Variants in PARP14 observed in about 807,000 individuals in gnomAD.
The protein encoded by PARP14 is protein mono-ADP-ribosyltransferase PARP14.
In PARP14, 59 loss-of-function variants were observed where a neutral mutation model predicts 154.2. That is an observed-to-expected ratio of 0.38 (90% confidence interval 0.31 to 0.48). The LOEUF (loss-of-function observed/expected upper bound fraction) is 0.48, where lower values mean the gene tolerates loss of function less well. Among genes scored for constraint, PARP14 ranks in the 20% least tolerant of loss-of-function variants. PARP14 has a pLI of 0.98. For synonymous variants in PARP14, 720 were observed against 780.5 expected, an observed-to-expected ratio of 0.92 and a Z score of 1.29; for missense variants, 1,734 against 2,131.6, an observed-to-expected ratio of 0.81 and a Z score of 3.67.
rs757401289 is a variant in PARP14, at chr3:122,713,583, C to G, written c.3769+10C>G. ...TTCAATCTCAAAGCAGGTACTTGTA[C>G]AATTTTGATGAGTGCAATAGTTAAT... On this transcript the variant is annotated intron_variant, in intron 10 of 16. Transcript: ENST00000474629. 1.2e-6 allele frequency: 2 copies of G among 1,611,740 alleles called. No homozygotes were observed. Among genetic ancestry groups the G allele is most frequent in the Admixed American group, 3.3e-5 (2 of 59,946 alleles).
At chr3:122,697,907 G>C (rs1004631636) in intron 5 of PARP14, among the ~76,000 whole-genome samples, 5 of 152,222 alleles carry the variant, frequency 3.3e-5, no homozygotes, top group African/African-American at 1.2e-4. Flanking sequence ...ACCTGAGTTT[G>C]ATTCCTGGCC....
At position 122,699,611 on chromosome 3, in the gene PARP14, T is replaced by C; in HGVS notation, c.1057T>C (p.Cys353Arg). The stretch of plus-strand genomic sequence containing the variant: ...AAACGATGAAATGAGGCGTTGTCAC[T>C]GTGAGCTCACGTGGTCCCAACTCAG... Reference protein sequence around the residue: ...EINDEMRRCHCELTWSQLSGK... With the variant: ...EINDEMRRCHRELTWSQLSGK... The change falls in exon 6 of 17, where the codon TGT (cysteine) becomes CGT (arginine). Residue 353 changes from cysteine (C) to arginine (R), a missense_variant. By Grantham distance (180) the Cys-to-Arg change is radical. Around this residue, in one of 2 missense-constraint regions of PARP14, gnomAD observed 1,646 missense variants for 1,976.0 expected, o/e 0.83. Transcript: ENST00000474629. 1 of 1,613,996 alleles carries C rather than the reference T, an allele frequency of 6.2e-7. No individual in the cohort carries two copies. Among genetic ancestry groups the C allele is most frequent in the East Asian group, 2.2e-5 (1 of 44,886 alleles).
chr3:122,695,868 G>GAT (rs1435776985), intron 5 of PARP14, among the ~76,000 whole-genome samples: 3 of 152,158 alleles, frequency 2.0e-5, no homozygotes, highest in Non-Finnish European at 4.4e-5. Flanking sequence ...GTTTTTGAAA[G>GAT]ATATAAGGAG....
chr3:122,700,720 C>A lies in PARP14; in HGVS notation c.2166C>A (p.Thr722=), dbSNP rs768589536. Reference sequence around the variant, plus strand: ...GCATTTTACTAACTGGCTCAAAGACCGAAGTACTGAAGGCAGTGGACATTG... The same window carrying A: ...GCATTTTACTAACTGGCTCAAAGACAGAAGTACTGAAGGCAGTGGACATTG... ...QKGILLTGSK[T]EVLKAVDIVK... The change falls in exon 6 of 17, where the codon ACC becomes ACA. Residue 722 remains threonine (T), a synonymous_variant. Coordinates refer to ENST00000474629, the MANE Select transcript of PARP14 (RefSeq NM_017554.3). 7 of 1,612,736 alleles carry A rather than the reference C, an allele frequency of 4.3e-6. No individual in the cohort carries two copies. The highest frequency in any genetic ancestry group is 5.9e-6 in the Non-Finnish European group (7 of 1,179,374).
intron 15 of PARP14, among the ~76,000 whole-genome samples, chr3:122,725,940 T>A (rs1228068572): frequency 6.6e-6 from 1 of 152,222 alleles, no homozygotes; most frequent in Admixed American, 6.5e-5. Context: ...ATTCTAATTC[T>A]TTCATTGCTT....
At chr3:122,711,029 G>T (rs185935743) in intron 9 of PARP14, among the ~76,000 whole-genome samples, 2 of 152,120 alleles carry the variant, frequency 1.3e-5, no homozygotes, top group East Asian at 3.9e-4. Flanking sequence ...CATATTATCT[G>T]CAAACAGCAA....
chr3:122,697,934 T>G (rs2107642287), intron 5 of PARP14, among the ~76,000 whole-genome samples: 1 of 152,364 alleles, frequency 6.6e-6, no homozygotes, highest in African/African-American at 2.4e-5. Context: ...CTTACTAGCT[T>G]TGTAATCTTG....
chr3:122,704,000 T>C, intron 7 of PARP14, 22 bp downstream of exon 7: 1 of 1,553,884 alleles, frequency 6.4e-7, no homozygotes, highest in Non-Finnish European at 8.9e-7. Flanking sequence ...TTTTGAATTC[T>C]CCATGAAGTT....
At chr3:122,688,435 C>T (rs1163031053) in intron 3 of PARP14, among the ~76,000 whole-genome samples, 1 of 152,140 alleles carries the variant, frequency 6.6e-6, no homozygotes, top group East Asian at 1.9e-4. Context: ...CCCCTTCCAC[C>T]AATAGACTTT....
At chr3:122,688,085 A>ATT (rs34597099) in intron 3 of PARP14, among the ~76,000 whole-genome samples, 9 of 148,030 alleles carry the variant, frequency 6.1e-5, no homozygotes, top group South Asian at 2.1e-4. Context: ...ATGAAATAGG[A>ATT]TTTTTTTTTT....
chr3:122,713,330 G>A (rs1183740002), intron 9 of PARP14, 94 bp from the exon 10 acceptor site: 1 of 959,078 alleles, frequency 1.0e-6, no homozygotes. Flanking sequence ...AGAGGGAGAG[G>A]GAAGACATCC....
intron 15 of PARP14, chr3:122,722,081 C>T (rs1303195361): frequency 1.3e-5 from 2 of 152,184 alleles, no homozygotes; most frequent in African/African-American, 4.8e-5. Flanking sequence ...AAAAAGCAAA[C>T]CATTTGATAA....
In PARP14 at chr3:122,681,785, A is replaced by G. The variant is rs790108; in HGVS notation, c.187+715A>G. Among the ~76,000 whole-genome samples the G allele has an allele frequency of 0.61, 93,349 of 151,952 alleles. 30,563 individuals carry two copies. The highest frequency in any genetic ancestry group is 0.83 in the African/African-American group (34,525 of 41,438). On this transcript the variant is annotated intron_variant, in intron 1 of 16. Transcript: ENST00000474629. This position sits in a 1 kb window ranked among gnomAD's most constrained non-coding sequence, Gnocchi z 5.5. ...AGTCGGCAAAGTTCCCTCCTTACAG[A>G]CCCACCACTACTTGGTGGGCCAAGA...
chr3:122,691,227 T>C (rs1464890487), intron 3 of PARP14, among the ~76,000 whole-genome samples: 2 of 152,212 alleles, frequency 1.3e-5, no homozygotes, highest in Non-Finnish European at 1.5e-5. Context: ...TCTTAACTAA[T>C]GTTTTTTTAT....
At chr3:122,717,335 C>T (rs1256919804) in intron 12 of PARP14, among the ~76,000 whole-genome samples, 1 of 152,164 alleles carries the variant, frequency 6.6e-6, no homozygotes, top group African/African-American at 2.4e-5. Flanking sequence ...TGGAAAGGGA[C>T]TTTTCATGAT....
At position 122,728,750 on chromosome 3, in the gene PARP14, C is replaced by T; in HGVS notation, c.*153C>T. The T allele has an allele frequency of 1.6e-6, 1 of 614,198 alleles. No individual in the cohort carries two copies. The highest frequency in any genetic ancestry group is 2.8e-6 in the Non-Finnish European group (1 of 351,694). The allele number at this position is 614,198 out of a possible 1,614,324, so 38.0% of individuals were successfully genotyped here. On this transcript the variant is annotated 3_prime_UTR_variant, in exon 17 of 17. Coordinates refer to ENST00000474629, the MANE Select transcript of PARP14 (RefSeq NM_017554.3). ...TGAAGTCAGTCTTTCTTCAGCTTCC[C>T]TTTCATAATGGAAATGAACTTATTA...
At chr3:122,685,058 A>T in intron 1 of PARP14, 127 bp from the exon 2 acceptor site, 1 of 934,834 alleles carries the variant, frequency 1.1e-6, no homozygotes, top group Non-Finnish European at 1.6e-6. Context: ...TACTTCACAT[A>T]TAGCCTCTCT....
At chr3:122,698,252 G>A (rs1043153362) in intron 5 of PARP14, among the ~76,000 whole-genome samples, 1 of 152,164 alleles carries the variant, frequency 6.6e-6, no homozygotes, top group African/African-American at 2.4e-5. Context: ...TCATACACAA[G>A]GTGAAGTTAT....
chr3:122,723,073 T>C (rs1328506582), intron 15 of PARP14, among the ~76,000 whole-genome samples: 1 of 152,084 alleles, frequency 6.6e-6, no homozygotes, highest in Admixed American at 6.5e-5. Flanking sequence ...GTAGCTGAAA[T>C]TGCAGGTGCC....
Sources: gnomAD v4.1 joint callset for allele counts (sites outside exome capture counted in the v4.1 genomes callset) on GRCh38, gnomAD v4.1.1 for gene constraint, gnomAD v4.1.1 regional missense constraint, Gnocchi (gnomAD v3.1) non-coding constraint, MANE v1.5 for transcripts, NCBI Gene and HGNC (gene_info 2026-07-23, HGNC 2026-07-21) for gene names.